Variants in CCSER1 observed in about 807,000 individuals in gnomAD.
The protein encoded by CCSER1 is coiled-coil serine rich protein 1.
In CCSER1, 41 loss-of-function variants were observed where a neutral mutation model predicts 82.0. That is an observed-to-expected ratio of 0.50 (90% CI 0.39 to 0.65). CCSER1 has a LOEUF of 0.65. Ranked by LOEUF, CCSER1 falls within the 30% of genes least tolerant of loss-of-function variation. The pLI is 0.00. For missense variants in CCSER1, 1,119 were observed against 1,064.2 expected (o/e 1.05, Z -0.72); for synonymous variants, 414 against 383.9 (o/e 1.08, Z -0.92).
intron 6 of CCSER1, among the ~76,000 whole-genome samples, chr4:90,660,368 T>C (rs1332964444): frequency 6.6e-6 from 1 of 152,060 alleles, no homozygotes; most frequent in East Asian, 1.9e-4. Context: ...AAGGAAATCA[T>C]GTATTTTGCA....
intron 3 of CCSER1, among the ~76,000 whole-genome samples, chr4:90,385,290 T>C (rs1749853254): frequency 6.6e-6 from 1 of 152,094 alleles, no homozygotes; most frequent in Admixed American, 6.5e-5. Context: ...CTTTTAGATC[T>C]TTGAGAAATC....
At chr4:91,227,215 T>C (rs1173076194) in intron 10 of CCSER1, among the ~76,000 whole-genome samples, 1 of 151,936 alleles carries the variant, frequency 6.6e-6, no homozygotes, top group African/African-American at 2.4e-5. Flanking sequence ...TTTTATATAA[T>C]AGTTCATAAA....
At chr4:90,916,514 C>G (rs1416210631) in intron 8 of CCSER1, among the ~76,000 whole-genome samples, 2 of 152,116 alleles carry the variant, frequency 1.3e-5, no homozygotes, top group South Asian at 2.1e-4. Flanking sequence ...AAAATTAATT[C>G]AAGATGGATT....
chr4:90,628,165 G>T lies in CCSER1; in HGVS notation c.1865G>T (p.Arg622Ile), dbSNP rs1053213704. ...GGAGGCATAGATTCTCTGCCATTCA[G>T]ACTGATGTTACAGGACTGCACGGCA... ...ENGGIDSLPF[R>I]LMLQDCTAVK... The change falls in exon 6 of 11, where the codon AGA becomes ATA. Residue 622 changes from arginine to isoleucine, a missense_variant. Coordinates refer to ENST00000509176, the MANE Select transcript of CCSER1 (RefSeq NM_001145065.2). The T allele has an allele frequency of 1.2e-6, 2 of 1,613,780 alleles. No homozygotes were observed. The highest frequency in any genetic ancestry group is 1.7e-6 in the Non-Finnish European group (2 of 1,179,832).
chr4:90,620,630 T>C (rs536158750), intron 5 of CCSER1, among the ~76,000 whole-genome samples: 1 of 152,296 alleles, frequency 6.6e-6, no homozygotes, highest in Admixed American at 6.5e-5. Flanking sequence ...TACTGGAATA[T>C]ATCCTTTAGC....
intron 3 of CCSER1, among the ~76,000 whole-genome samples, chr4:90,379,173 G>A (rs935703565): frequency 9.2e-5 from 14 of 152,098 alleles, no homozygotes; most frequent in African/African-American, 3.1e-4. Flanking sequence ...AGTTGGGTCC[G>A]GCAGCTCTTC....
At chr4:91,223,113 G>A (rs1276100183) in intron 10 of CCSER1, among the ~76,000 whole-genome samples, 1 of 151,768 alleles carries the variant, frequency 6.6e-6, no homozygotes, top group African/African-American at 2.4e-5. Flanking sequence ...TTCAAATTAT[G>A]CCTTCAGTCT....
intron 10 of CCSER1, among the ~76,000 whole-genome samples, chr4:91,192,759 AT>A (rs1735110094): frequency 6.6e-6 from 1 of 152,074 alleles, no homozygotes; most frequent in South Asian, 2.1e-4. Flanking sequence ...CCTAGTCAAA[AT>A]TTTGGTTTTT....
At chr4:90,268,202 A>C (rs1265452250) in intron 1 of CCSER1, among the ~76,000 whole-genome samples, 5 of 152,224 alleles carry the variant, frequency 3.3e-5, no homozygotes, top group Admixed American at 2.0e-4. Flanking sequence ...ATAAGGAATC[A>C]TCTGAAGGTT....
chr4:90,442,235 TAC>T (rs564914612), intron 4 of CCSER1, among the ~76,000 whole-genome samples: 178 of 152,216 alleles, frequency 1.2e-3, no homozygotes, highest in African/African-American at 3.8e-3. Context: ...TCAGACTTAA[TAC>T]AGGATCTCCC....
At chr4:90,143,526 A>ACACACC (rs1448724065) in intron 1 of CCSER1, among the ~76,000 whole-genome samples, 2 of 150,048 alleles carry the variant, frequency 1.3e-5, no homozygotes, top group East Asian at 3.9e-4. Flanking sequence ...ACACACACAC[A>ACACACC]CCAGGTATTA....
chr4:90,298,291 G>T (rs1042711927), intron 1 of CCSER1, among the ~76,000 whole-genome samples: 1 of 152,110 alleles, frequency 6.6e-6, no homozygotes, highest in Non-Finnish European at 1.5e-5. Context: ...AGGGGTGTTT[G>T]TAGTATTATC....
At chr4:91,235,640 G>C (rs1206704742) in intron 10 of CCSER1, among the ~76,000 whole-genome samples, 1 of 151,852 alleles carries the variant, frequency 6.6e-6, no homozygotes, top group Non-Finnish European at 1.5e-5. Context: ...ATCCAAAATA[G>C]GGCAGCCTCA....
Position 90,276,321 on chromosome 4 carries a change from C to T in CCSER1, c.-41-31923C>T, listed in dbSNP as rs867308668. On this transcript the variant is annotated intron_variant, in intron 1 of 10. Transcript: ENST00000509176. ...TTCCTTCCTTCCTTTCTTTCTTTTT[C>T]TTTCTTTCTTTCTTTCTTCTTTCTT... Among the ~76,000 whole-genome samples the T allele has an allele frequency of 5.7e-3, 650 of 114,620 alleles. 15 individuals are homozygous for T. The highest frequency in any genetic ancestry group is 0.022 in the African/African-American group (619 of 28,224). 75.2% of individuals were successfully genotyped at this position (114,620 alleles called of 152,430 possible).
At chr4:90,940,685 T>C (rs1731488554) in intron 9 of CCSER1, among the ~76,000 whole-genome samples, 8 of 152,150 alleles carry the variant, frequency 5.3e-5, no homozygotes. Flanking sequence ...AAAGGAACAT[T>C]ATTTTCTGCT....
chr4:90,963,723 T>C (rs1734265364), intron 9 of CCSER1, among the ~76,000 whole-genome samples: 1 of 152,168 alleles, frequency 6.6e-6, no homozygotes, highest in South Asian at 2.1e-4. Flanking sequence ...CCAGCCTCCA[T>C]AATTGTGTGA....
intron 9 of CCSER1, among the ~76,000 whole-genome samples, chr4:91,077,855 G>A (rs979204701): frequency 6.6e-6 from 1 of 152,226 alleles, no homozygotes; most frequent in Non-Finnish European, 1.5e-5. Flanking sequence ...TGCTAGCACA[G>A]CAGTCTGACA....
intron 3 of CCSER1, among the ~76,000 whole-genome samples, chr4:90,382,970 A>G (rs932179582): frequency 3.9e-5 from 6 of 152,186 alleles, no homozygotes; most frequent in Admixed American, 3.9e-4. Flanking sequence ...TATTGACTGA[A>G]TTAATTTATT....
chr4:90,141,102 G>T (rs1432868444), intron 1 of CCSER1, among the ~76,000 whole-genome samples: 1 of 150,190 alleles, frequency 6.7e-6, no homozygotes, highest in African/African-American at 2.5e-5. Context: ...TTAAGTAATT[G>T]GCTTACATGA....
Sources: gnomAD v4.1 joint callset for allele counts (sites outside exome capture counted in the v4.1 genomes callset) on GRCh38, gnomAD v4.1.1 for gene constraint, MANE v1.5 for transcripts, NCBI Gene and HGNC (gene_info 2026-07-23, HGNC 2026-07-21) for gene names.